B4GALT6: variants seen among roughly 807,000 people sequenced by gnomAD.
B4GALT6 encodes UDP-Gal:beta-GlcNAc beta-1,4-galactosyltransferase 6.
A neutral mutation model predicts 46.3 loss-of-function variants in B4GALT6; 14 were observed. That is an observed-to-expected ratio of 0.30 (90% confidence interval 0.20 to 0.47). B4GALT6 has a LOEUF of 0.47. Among genes scored for constraint, B4GALT6 ranks in the 20% least tolerant of loss-of-function variants. The pLI, the probability that B4GALT6 is intolerant of heterozygous loss-of-function variation, is 0.99. For missense variants in B4GALT6, 386 were observed against 480.1 expected, an observed-to-expected ratio of 0.80 and a Z score of 1.83; for synonymous variants, 168 against 162.0, an observed-to-expected ratio of 1.04 and a Z score of -0.28.
Position 31,684,469 on chromosome 18 carries a change from G to T in B4GALT6, c.-43C>A. On this transcript the variant is annotated 5_prime_UTR_variant, in exon 1 of 9. Coordinates refer to ENST00000306851, the MANE Select transcript of B4GALT6 (RefSeq NM_004775.5). The stretch of plus-strand genomic sequence containing the variant: ...GCAGCCCAGGCTGCGCTCTCAGGCC[G>T]GACTCGGGGCCACTGTCCAGGCCCT... 1 of 1,600,702 alleles carries T rather than the reference G, an allele frequency of 6.2e-7. No homozygotes were observed. The highest frequency in any genetic ancestry group is 8.5e-7 in the Non-Finnish European group (1 of 1,173,384).
At chr18:31,626,845 A>C in intron 7 of B4GALT6, 154 bp downstream of exon 7, 1 of 617,816 alleles carries the variant, frequency 1.6e-6, no homozygotes. Context: ...AGCAGACTTA[A>C]TGAAAAAAAA....
At chr18:31,678,287 C>G (rs1254012023) in intron 1 of B4GALT6, among the ~76,000 whole-genome samples, 6 of 152,128 alleles carry the variant, frequency 3.9e-5, no homozygotes, top group African/African-American at 1.4e-4. Flanking sequence ...TATAAGGCCA[C>G]TTATTTCACT....
At chr18:31,679,006 C>G (rs2074448947) in intron 1 of B4GALT6, among the ~76,000 whole-genome samples, 1 of 152,206 alleles carries the variant, frequency 6.6e-6, no homozygotes, top group South Asian at 2.1e-4. Context: ...AAGGAAAATG[C>G]ATTTTAGTCC....
chr18:31,715,113 G>A, the B4GALT6 span, among the ~76,000 whole-genome samples: 1,489 of 152,246 alleles, frequency 9.8e-3, 32 homozygotes, highest in African/African-American at 0.035. Context: ...AGATTCTCAA[G>A]CTCACTCAGG....
At chr18:31,666,496 C>T (rs568409337) in intron 1 of B4GALT6, 124 bp from the exon 2 acceptor site, 11 of 402,716 alleles carry the variant, frequency 2.7e-5, no homozygotes, top group African/African-American at 1.4e-4. Context: ...CACGTCCAAA[C>T]GCAAAACAGA....
chr18:31,724,615 G>A, the B4GALT6 span: 2 of 1,058,698 alleles, frequency 1.9e-6, no homozygotes, highest in Non-Finnish European at 2.3e-6. Context: ...CGGGGCCAGA[G>A]CAGTTCGCTG....
At chr18:31,702,337 T>C in the B4GALT6 span, among the ~76,000 whole-genome samples, 1 of 152,214 alleles carries the variant, frequency 6.6e-6, no homozygotes, top group East Asian at 1.9e-4. Context: ...CAGGGATCTA[T>C]GTTTGCAGTA....
At chr18:31,635,369 C>T (rs998051677) in intron 5 of B4GALT6, among the ~76,000 whole-genome samples, 19 of 151,998 alleles carry the variant, frequency 1.3e-4, no homozygotes, top group African/African-American at 4.6e-4. Flanking sequence ...TCTACAACTA[C>T]AGCTCCATGA....
chr18:31,703,208 AAG>A, the B4GALT6 span, among the ~76,000 whole-genome samples: 14 of 152,320 alleles, frequency 9.2e-5, no homozygotes, highest in South Asian at 1.2e-3. Flanking sequence ...GAGCAAGGAA[AAG>A]AGGGGGAAAA....
the B4GALT6 span, among the ~76,000 whole-genome samples, chr18:31,700,195 G>A: frequency 1.3e-5 from 2 of 151,920 alleles, no homozygotes; most frequent in Non-Finnish European, 2.9e-5. Context: ...ATTCAAAGAA[G>A]TTAAGTTCTT....
intron 3 of B4GALT6, among the ~76,000 whole-genome samples, chr18:31,655,116 G>A (rs925038445): frequency 7.2e-5 from 11 of 152,190 alleles, no homozygotes; most frequent in African/African-American, 2.7e-4. Context: ...GGTTTTACAG[G>A]TAGGTAAACT....
chr18:31,634,466 C>T (rs1484762908), intron 5 of B4GALT6, among the ~76,000 whole-genome samples: 1 of 152,222 alleles, frequency 6.6e-6, no homozygotes, highest in African/African-American at 2.4e-5. Context: ...AGTCTTGTCA[C>T]ATCACCCTCT....
chr18:31,661,034 A>T (rs2074207374), intron 2 of B4GALT6, among the ~76,000 whole-genome samples: 1 of 152,200 alleles, frequency 6.6e-6, no homozygotes, highest in South Asian at 2.1e-4. Context: ...GCCTAAGGGA[A>T]AATCAGCGAT....
chr18:31,655,474 C>G (rs2074126916), intron 3 of B4GALT6, among the ~76,000 whole-genome samples: 1 of 152,140 alleles, frequency 6.6e-6, no homozygotes, highest in Admixed American at 6.5e-5. Context: ...CCTCCCCACC[C>G]CCAGTGAAAA....
chr18:31,665,029 G>A (rs1332642093), intron 2 of B4GALT6, among the ~76,000 whole-genome samples: 1 of 152,176 alleles, frequency 6.6e-6, no homozygotes, highest in Admixed American at 6.5e-5. Context: ...ATTAAATTGA[G>A]ATCAATATGT....
intron 1 of B4GALT6, among the ~76,000 whole-genome samples, chr18:31,677,054 C>A (rs2074422651): frequency 6.6e-6 from 1 of 152,148 alleles, no homozygotes; most frequent in Non-Finnish European, 1.5e-5. Flanking sequence ...ATAAGAGTAT[C>A]TGTGTTTCAT....
chr18:31,628,403 A>G (rs557757311), intron 6 of B4GALT6, among the ~76,000 whole-genome samples: 1 of 152,356 alleles, frequency 6.6e-6, no homozygotes, highest in Admixed American at 6.5e-5. Flanking sequence ...GGAAACATGA[A>G]TAAATGTGTC....
At chr18:31,650,368 T>G (rs1217763084) in intron 3 of B4GALT6, among the ~76,000 whole-genome samples, 1 of 152,242 alleles carries the variant, frequency 6.6e-6, no homozygotes, top group Non-Finnish European at 1.5e-5. Flanking sequence ...CATTGGGTCC[T>G]GCCTTTCAAA....
chr18:31,626,873 G>T, intron 7 of B4GALT6, 126 bp downstream of exon 7: 1 of 735,310 alleles, frequency 1.4e-6, no homozygotes. Context: ...TATAAAACAG[G>T]GTTTAGAAAC....
Sources: gnomAD v4.1 joint callset for allele counts (sites outside exome capture counted in the v4.1 genomes callset) on GRCh38, gnomAD v4.1.1 for gene constraint, MANE v1.5 for transcripts, NCBI Gene and HGNC (gene_info 2026-07-23, HGNC 2026-07-21) for gene names.